The following RASSF8 variants were observed in gnomAD, a reference collection of about 807,000 sequenced individuals.
RASSF8 encodes ras association domain-containing protein 8.
Under a neutral mutation model 48.5 loss-of-function variants are expected in RASSF8, and 22 were observed. The observed-to-expected ratio is 0.45, with a 90% confidence interval of 0.32 to 0.65. The LOEUF (loss-of-function observed/expected upper bound fraction) is 0.65, where lower values mean the gene tolerates loss of function less well. RASSF8 is among the 30% of genes least tolerant of loss of function. The pLI is 0.03. For missense variants in RASSF8, 418 were observed against 489.2 expected (o/e 0.85, Z 1.37); for synonymous variants, 127 against 171.5 (o/e 0.74, Z 2.03).
intron 2 of RASSF8, among the ~76,000 whole-genome samples, chr12:26,022,750 T>C (rs975587210): frequency 1.3e-5 from 2 of 152,188 alleles, no homozygotes; most frequent in Non-Finnish European, 2.9e-5. Context: ...TTCTTTCTTT[T>C]TTTTTTGAGA....
Position 26,020,674 on chromosome 12 carries a change from T to TA in RASSF8, c.-109+25552dup, listed in dbSNP as rs199835280. 4.0e-5 allele frequency among the ~76,000 whole-genome samples: 6 copies of TA among 151,712 alleles called. No individual in the cohort carries two copies. In the East Asian group the frequency reaches 7.7e-4, roughly 20 times the overall value. On this transcript the variant is annotated intron_variant, in intron 2 of 5. Coordinates refer to ENST00000689635, the MANE Select transcript of RASSF8 (RefSeq NM_001394098.1). ...ATTATATTTAAACAATATTTAAGTTTAAAAAAAAGACTACCATTTAATACA... is the reference window on the plus strand; with the variant it reads ...ATTATATTTAAACAATATTTAAGTTTAAAAAAAAAGACTACCATTTAATACA...
chr12:26,060,542 GAACT>G (rs887996271), intron 3 of RASSF8, among the ~76,000 whole-genome samples: 6 of 152,036 alleles, frequency 3.9e-5, no homozygotes, highest in Non-Finnish European at 5.9e-5. Flanking sequence ...TTAACTCACA[GAACT>G]AACTAAGATG....
At chr12:25,971,057 G>A (rs1386276984) in intron 1 of RASSF8, among the ~76,000 whole-genome samples, 4 of 152,138 alleles carry the variant, frequency 2.6e-5, no homozygotes, top group Non-Finnish European at 5.9e-5. Flanking sequence ...AAACAACTAA[G>A]CTTCTGAGAG....
At chr12:26,038,499 T>TA (rs1369674653) in intron 2 of RASSF8, among the ~76,000 whole-genome samples, 1 of 152,110 alleles carries the variant, frequency 6.6e-6, no homozygotes, top group Non-Finnish European at 1.5e-5. Flanking sequence ...TCGTCACTGT[T>TA]ACCCAGGGCA....
chr12:25,970,851 C>G (rs573300443), intron 1 of RASSF8, among the ~76,000 whole-genome samples: 1 of 152,206 alleles, frequency 6.6e-6, no homozygotes, highest in Non-Finnish European at 1.5e-5. Flanking sequence ...TCTGAACATG[C>G]TATTTGATGA....
intron 3 of RASSF8, among the ~76,000 whole-genome samples, chr12:26,056,585 G>C (rs1200975913): frequency 6.6e-6 from 1 of 152,220 alleles, no homozygotes; most frequent in African/African-American, 2.4e-5. Flanking sequence ...AGGCACTTTA[G>C]CATTTGGTAG....
intron 2 of RASSF8, among the ~76,000 whole-genome samples, chr12:26,023,133 T>G (rs1165892367): frequency 6.6e-6 from 1 of 151,682 alleles, no homozygotes; most frequent in Non-Finnish European, 1.5e-5. Flanking sequence ...GAAAAAGGAA[T>G]GAAGAAAAAT....
In RASSF8 at chr12:26,065,000, T is replaced by C. The variant is rs767422634; in HGVS notation, c.606T>C (p.Leu202=). ...GGGAGCAAAAGTATAATTCCAACCT[T>C]GAAGAGGAAATTGTCCGTCTAGAGC... ...RFWEQKYNSN[L]EEEIVRLEQK... is the part of the protein sequence containing the mutation. Residue 202 remains leucine, a synonymous_variant, in exon 4 of 6, where the codon CTT becomes CTC. Coordinates refer to ENST00000689635, the MANE Select transcript of RASSF8 (RefSeq NM_001394098.1). The C allele has an allele frequency of 6.2e-7, 1 of 1,612,724 alleles. No homozygotes were observed. Among genetic ancestry groups the C allele is most frequent in the African/African-American group, 1.3e-5 (1 of 74,716 alleles).
rs113495626 is a variant in RASSF8, at chr12:26,064,170, C to T, written c.104-328C>T. The stretch of plus-strand genomic sequence containing the variant: ...TCCTTTGTTTCAGCTAGAAAATAAA[C>T]TTTGTTCAGTCTTGCCCCAAATGAG... On this transcript the variant is annotated intron_variant, in intron 3 of 5. Transcript: ENST00000689635. 4.3e-3 allele frequency among the ~76,000 whole-genome samples: 652 copies of T among 152,272 alleles called. 6 individuals carry two copies. Among genetic ancestry groups the T allele is most frequent in the African/African-American group, 0.015 (614 of 41,560 alleles).
chr12:26,057,973 G>T (rs73080925), intron 3 of RASSF8, among the ~76,000 whole-genome samples: 22,533 of 152,178 alleles, frequency 0.15, 1,878 homozygotes, highest in Admixed American at 0.23. Context: ...TTATGGGGTT[G>T]TTTGCATAAT....
chr12:26,014,439 G>A (rs1356138936), intron 2 of RASSF8, among the ~76,000 whole-genome samples: 2 of 152,100 alleles, frequency 1.3e-5, no homozygotes, highest in African/African-American at 2.4e-5. Context: ...TAATAAATAC[G>A]ATAAATTATT....
chr12:26,033,786 T>A (rs890006583), intron 2 of RASSF8, among the ~76,000 whole-genome samples: 3 of 152,096 alleles, frequency 2.0e-5, no homozygotes, highest in Non-Finnish European at 4.4e-5. Flanking sequence ...CAGATAAAGG[T>A]TGAATGCCAG....
intron 2 of RASSF8, among the ~76,000 whole-genome samples, chr12:26,048,243 A>G (rs546659109): frequency 1.8e-4 from 28 of 152,318 alleles, no homozygotes; most frequent in Non-Finnish European, 3.4e-4. Flanking sequence ...AACCTTTTAC[A>G]TGCCTGGAGA....
At chr12:26,009,447 T>C (rs1592261645) in intron 2 of RASSF8, among the ~76,000 whole-genome samples, 1 of 152,276 alleles carries the variant, frequency 6.6e-6, no homozygotes, top group East Asian at 1.9e-4. Flanking sequence ...GGATGGGTGG[T>C]GGCGGAGATG....
At chr12:25,984,742 G>A (rs1218915296) in intron 1 of RASSF8, among the ~76,000 whole-genome samples, 2 of 152,198 alleles carry the variant, frequency 1.3e-5, no homozygotes, top group East Asian at 3.9e-4. Flanking sequence ...GTCACAAAAG[G>A]AGCTTCAAGG....
At chr12:26,053,763 TG>T (rs1169957691) in intron 2 of RASSF8, among the ~76,000 whole-genome samples, 1 of 152,210 alleles carries the variant, frequency 6.6e-6, no homozygotes, top group Non-Finnish European at 1.5e-5. Context: ...AAACCTATGC[TG>T]TGTCATATGC....
intron 2 of RASSF8, among the ~76,000 whole-genome samples, chr12:26,050,572 T>C (rs1401956782): frequency 6.6e-6 from 1 of 152,228 alleles, no homozygotes; most frequent in Non-Finnish European, 1.5e-5. Flanking sequence ...TAATCAACAT[T>C]GTCTCAAACA....
intron 2 of RASSF8, among the ~76,000 whole-genome samples, chr12:26,033,566 G>GA (rs35775476): frequency 1.3e-5 from 2 of 151,604 alleles, no homozygotes; most frequent in Non-Finnish European, 2.9e-5. Flanking sequence ...ATTTTGGAGG[G>GA]AAAAAGGAAA....
intron 2 of RASSF8, among the ~76,000 whole-genome samples, chr12:26,042,127 T>C (rs1565632814): frequency 6.6e-6 from 1 of 152,192 alleles, no homozygotes; most frequent in Non-Finnish European, 1.5e-5. Context: ...ATTTATCCAG[T>C]TAAAGGGGAG....
Sources: allele counts gnomAD v4.1 joint callset (sites outside exome capture counted in the v4.1 genomes callset), GRCh38; gene constraint gnomAD v4.1.1; transcripts MANE v1.5; gene names NCBI Gene and HGNC (gene_info 2026-07-23, HGNC 2026-07-21).